PNKD: variants seen among roughly 807,000 people sequenced by gnomAD.
PNKD encodes probable thioesterase PNKD.
Under a neutral mutation model 45.3 loss-of-function variants are expected in PNKD, and 36 were observed. The observed-to-expected ratio is 0.80, with a 90% confidence interval of 0.61 to 1.05. The LOEUF is 1.05. Among genes scored for constraint, PNKD ranks in the 50% least tolerant of loss-of-function variants. The probability of loss-of-function intolerance (pLI) is 0.00; values close to 1 mark genes in which losing one functional copy is unlikely to be tolerated. For missense variants in PNKD, 511 were observed against 506.6 expected (o/e 1.01, Z -0.08); for synonymous variants, 197 against 210.1 (o/e 0.94, Z 0.54).
Position 218,341,624 on chromosome 2 carries a change from C to T in PNKD, c.615C>T (p.Thr205=), listed in dbSNP as rs1379546736. 11 of 1,565,950 alleles carry T rather than the reference C, an allele frequency of 7.0e-6. No homozygotes were observed. The highest frequency in any genetic ancestry group is 9.5e-6 in the Non-Finnish European group (11 of 1,153,484). Residue 205 remains threonine, a splice_region_variant and synonymous_variant, in exon 6 of 10, where the codon ACC becomes ACT. Transcript: ENST00000273077. ...CTCAGGACGGCATCCCCTACCTCAC[C>T]CAGTAAGTCCCTGACCTAGGCAAGG... ...GSPQDGIPYL[T]HPLCHQDVVS... is the part of the protein sequence containing the mutation.
At chr2:218,299,005 C>T (rs2106250460) in intron 2 of PNKD, among the ~76,000 whole-genome samples, 1 of 152,334 alleles carries the variant, frequency 6.6e-6, no homozygotes, top group South Asian at 2.1e-4. Context: ...AGGCACCCCA[C>T]ACTCTGACCA....
Position 218,341,969 on chromosome 2 carries a change from C to T in PNKD, c.618-12C>T, listed in dbSNP as rs771970618. Reference sequence around the variant, plus strand: ...TCCAATACCTTCTGTCCCCTGCTCCCTTGTTCCCCAGTCCCCTGTGTCATC... The same window carrying T: ...TCCAATACCTTCTGTCCCCTGCTCCTTTGTTCCCCAGTCCCCTGTGTCATC... On this transcript the variant is annotated splice_polypyrimidine_tract_variant and intron_variant, in intron 6 of 9. Transcript: ENST00000273077. 2 of 1,609,434 alleles carry T rather than the reference C, an allele frequency of 1.2e-6. No homozygotes were observed. The highest frequency in any genetic ancestry group is 2.2e-5 in the South Asian group (2 of 90,984).
chr2:218,300,978 AGT>A (rs1168709323), intron 2 of PNKD, among the ~76,000 whole-genome samples: 1 of 152,216 alleles, frequency 6.6e-6, no homozygotes, highest in African/African-American at 2.4e-5. Context: ...AAATCTGAAA[AGT>A]GTTTGTAAAA....
chr2:218,275,362 C>T, intron 2 of PNKD: 1 of 1,393,462 alleles, frequency 7.2e-7, no homozygotes, highest in Non-Finnish European at 9.6e-7. Context: ...GGAAACTGGG[C>T]ATGTTACTCA....
intron 2 of PNKD, among the ~76,000 whole-genome samples, chr2:218,276,257 C>G (rs115102659): frequency 6.6e-6 from 1 of 152,144 alleles, no homozygotes; most frequent in Non-Finnish European, 1.5e-5. Flanking sequence ...ATATATCCAG[C>G]AGAGAAAGCA....
At chr2:218,279,139 CCCACCCAGG>C (rs1451685496) in intron 2 of PNKD, 8 of 1,611,018 alleles carry the variant, frequency 5.0e-6, no homozygotes, top group Non-Finnish European at 5.1e-6. Context: ...GCTTGTCTGC[CCCACCCAGG>C]CCAGCCAGGC....
At chr2:218,297,699 A>C (rs566150970) in intron 2 of PNKD, among the ~76,000 whole-genome samples, 1 of 147,424 alleles carries the variant, frequency 6.8e-6, no homozygotes, top group East Asian at 2.0e-4. Context: ...AAAAAAAAAA[A>C]AAAAAAAAGA....
intron 2 of PNKD, among the ~76,000 whole-genome samples, chr2:218,322,245 C>T (rs1464666965): frequency 1.3e-5 from 2 of 152,190 alleles, no homozygotes; most frequent in Non-Finnish European, 2.9e-5. Flanking sequence ...TAGAGCATTT[C>T]CTTCCCTTCC....
In PNKD at chr2:218,270,608, G is replaced by T; in HGVS notation, c.67+6G>T. On this transcript the variant is annotated splice_donor_region_variant and intron_variant, in intron 1 of 9. Transcript: ENST00000273077. ...AAATGCCCGCGTCCTCCGGGGTAAG[G>T]AGAGGGACCCCGGGGAGGGCAGGAC... 1 of 953,050 alleles carries T rather than the reference G, an allele frequency of 1.0e-6. No homozygotes were observed. The highest frequency in any genetic ancestry group is 1.4e-6 in the Non-Finnish European group (1 of 706,166). The allele number at this position is 953,050 out of a possible 1,614,324, so 59.0% of individuals were successfully genotyped here.
At chr2:218,321,623 C>A (rs1339840756) in intron 2 of PNKD, among the ~76,000 whole-genome samples, 16 of 93,842 alleles carry the variant, frequency 1.7e-4, no homozygotes, top group South Asian at 1.3e-3. Flanking sequence ...GTGAGCTTGA[C>A]TTTTTTTTTT....
chr2:218,287,890 C>T (rs1269091337), intron 2 of PNKD, among the ~76,000 whole-genome samples: 2 of 152,156 alleles, frequency 1.3e-5, no homozygotes, highest in Admixed American at 6.5e-5. Flanking sequence ...CGCAGCTCCG[C>T]CACCCTTGTC....
chr2:218,330,249 G>T (rs138852044), intron 2 of PNKD, among the ~76,000 whole-genome samples: 3 of 152,184 alleles, frequency 2.0e-5, no homozygotes, highest in African/African-American at 7.2e-5. Flanking sequence ...CCGGCCCTGG[G>T]CCTAGCTGGG....
At chr2:218,344,771 G>A (rs764751807) in intron 9 of PNKD, 37 bp from the exon 10 acceptor site, 34 of 1,606,468 alleles carry the variant, frequency 2.1e-5, no homozygotes, top group Non-Finnish European at 2.9e-5. Context: ...CCATTTCCCA[G>A]CTTCTCTCCA....
chr2:218,297,553 C>T (rs561876895), intron 2 of PNKD, among the ~76,000 whole-genome samples: 3 of 151,924 alleles, frequency 2.0e-5, no homozygotes, highest in South Asian at 2.1e-4. Flanking sequence ...AGTGTGGTGG[C>T]GCATGCCTGT....
In PNKD at chr2:218,340,743, GA is replaced by G; in HGVS notation, c.483del (p.Val163SerfsTer110). 6.2e-7 allele frequency: 1 copy of G among 1,613,972 alleles called. No individual in the cohort carries two copies. The highest frequency in any genetic ancestry group is 1.3e-5 in the African/African-American group (1 of 75,022). On this transcript the variant is annotated frameshift_variant, in exon 5 of 10. Transcript: ENST00000273077. LOFTEE classifies it high-confidence loss of function. This position sits in a 1 kb window ranked among gnomAD's most constrained non-coding sequence, Gnocchi z 4.2. ...TCTCTCGCAGGCTTCCATTGAAAAG[GA>G]AGGGGTCACCTTGGTCGCCATTCTG... is the stretch of plus-strand genomic sequence containing the variant. The part of the protein sequence containing the change: ...PRAVQASIEK[E>X]GVTLVAILCT...
intron 2 of PNKD, chr2:218,272,952 G>A: frequency 1.4e-6 from 2 of 1,448,346 alleles, no homozygotes; most frequent in East Asian, 2.6e-5. Context: ...AAGGAACCAG[G>A]TCTGGGTTTG....
chr2:218,271,453 C>T lies in PNKD; in HGVS notation c.140C>T (p.Pro47Leu), dbSNP rs1690827766. The stretch of plus-strand genomic sequence containing the variant: ...CGGGCCCTGCAAAGCCACAGCTCCC[C>T]AGAGGGCAAGGAGGAACCTGAACCC... ...RTRALQSHSS[P>L]EGKEEPEPLS... Residue 47 changes from proline to leucine, a missense_variant, in exon 2 of 10, where the codon CCA becomes CTA. Pro to Leu is a moderately conservative substitution (Grantham distance 98). Transcript: ENST00000273077. The T allele has an allele frequency of 6.2e-7, 1 of 1,614,014 alleles. No homozygotes were observed. Among genetic ancestry groups the T allele is most frequent in the Admixed American group, 1.7e-5 (1 of 59,992 alleles).
intron 2 of PNKD, among the ~76,000 whole-genome samples, chr2:218,295,222 C>T (rs1385499987): frequency 1.3e-5 from 2 of 152,188 alleles, no homozygotes; most frequent in Non-Finnish European, 2.9e-5. Context: ...TCTCTTGGGC[C>T]TTATCTGCAA....
Position 218,346,289 on chromosome 2 carries a change from T to G in PNKD, c.*1308T>G, listed in dbSNP as rs1694825694. On this transcript the variant is annotated 3_prime_UTR_variant, in exon 10 of 10. Transcript: ENST00000273077. ...AGCCTGCCCTCGGGCTCTGCTCACC[T>G]CTGGTGACCCTCCAAGATGCCCCTG... is the stretch of plus-strand genomic sequence containing the variant. The G allele has an allele frequency of 1.3e-5, 2 of 152,916 alleles. No individual in the cohort carries two copies. The highest frequency in any genetic ancestry group is 4.8e-5 in the African/African-American group (2 of 41,442). 9.5% of individuals were successfully genotyped at this position (152,916 alleles called of 1,614,324 possible). A position where few individuals can be genotyped will look rare whatever the true frequency, so the allele number is the denominator to read the frequency against.
Sources: gnomAD v4.1 joint callset for allele counts (sites outside exome capture counted in the v4.1 genomes callset) on GRCh38, gnomAD v4.1.1 for gene constraint, Gnocchi (gnomAD v3.1) non-coding constraint, MANE v1.5 for transcripts, NCBI Gene and HGNC (gene_info 2026-07-23, HGNC 2026-07-21) for gene names.